Variants in RAPGEF5 observed in about 807,000 individuals in gnomAD.
RAPGEF5 encodes the protein M-Ras-regulated GEF.
In RAPGEF5, 65 loss-of-function variants were observed where a neutral mutation model predicts 125.2. That is an observed-to-expected ratio of 0.52 (90% CI 0.43 to 0.64). The LOEUF (loss-of-function observed/expected upper bound fraction) is 0.64, where lower values mean the gene tolerates loss of function less well. Ranked by LOEUF, RAPGEF5 falls within the 30% of genes least tolerant of loss-of-function variation. The pLI, the probability that RAPGEF5 is intolerant of heterozygous loss-of-function variation, is 0.00. For synonymous variants in RAPGEF5, 391 were observed against 385.9 expected (o/e 1.01, Z -0.16); for missense variants, 958 against 1,048.1 (o/e 0.91, Z 1.19).
chr7:22,340,892 G>T (rs939479679), intron 1 of RAPGEF5, among the ~76,000 whole-genome samples: 1 of 152,178 alleles, frequency 6.6e-6, no homozygotes, highest in African/African-American at 2.4e-5. Context: ...CTTTACTGGA[G>T]AAATGACCAG....
At chr7:22,356,754 T>A (rs1784428100) in intron 1 of RAPGEF5, 76 bp downstream of exon 1, 1 of 825,306 alleles carries the variant, frequency 1.2e-6, no homozygotes, top group Non-Finnish European at 1.5e-6. Flanking sequence ...GACGCCCCCC[T>A]CAGCGGCCCG....
chr7:22,193,846 G>C (rs1047041365), intron 10 of RAPGEF5, 69 bp downstream of exon 10: 1 of 1,611,634 alleles, frequency 6.2e-7, no homozygotes, highest in African/African-American at 1.3e-5. Context: ...GATGGAGCAA[G>C]GGAAGGGAAG....
At chr7:22,211,997 C>T (rs1256092432) in intron 9 of RAPGEF5, among the ~76,000 whole-genome samples, 22 of 142,684 alleles carry the variant, frequency 1.5e-4, no homozygotes, top group African/African-American at 4.7e-4. Flanking sequence ...GACCGAGTCT[C>T]GCACTGTTGC....
In RAPGEF5 at chr7:22,119,399, T is replaced by C. The variant is rs1415684193; in HGVS notation, c.*3007A>G. The C allele has an allele frequency of 6.6e-6, 1 of 152,204 alleles. No homozygotes were observed. Among genetic ancestry groups the C allele is most frequent in the Non-Finnish European group, 1.5e-5 (1 of 68,048 alleles). The allele number at this position is 152,204 out of a possible 1,614,324, so 9.4% of individuals were successfully genotyped here. On this transcript the variant is annotated 3_prime_UTR_variant, in exon 26 of 26. Coordinates refer to ENST00000665637, the MANE Select transcript of RAPGEF5 (RefSeq NM_012294.5). The surrounding 1 kb of genome is among the most constrained non-coding windows in gnomAD (Gnocchi z 4.1). Reference sequence around the variant, plus strand: ...CATAATTAAGGAAACTAGAAAAAAGTGAATGCAGGTCATGTGTATCACTAT... The same window carrying C: ...CATAATTAAGGAAACTAGAAAAAAGCGAATGCAGGTCATGTGTATCACTAT...
intron 6 of RAPGEF5, among the ~76,000 whole-genome samples, chr7:22,276,870 A>G (rs368445674): frequency 1.5e-4 from 23 of 152,354 alleles, no homozygotes; most frequent in African/African-American, 4.8e-4. Flanking sequence ...AGTGTTATCT[A>G]TTATCATCCT....
intron 17 of RAPGEF5, 59 bp from the exon 18 acceptor site, chr7:22,150,563 T>C (rs1783596109): frequency 1.3e-6 from 2 of 1,543,936 alleles, no homozygotes; most frequent in African/African-American, 1.4e-5. Flanking sequence ...GTAGCAGCAG[T>C]AGGCCTACAC....
chr7:22,178,266 T>C (rs1040060386), intron 11 of RAPGEF5, among the ~76,000 whole-genome samples: 3 of 152,216 alleles, frequency 2.0e-5, no homozygotes, highest in Admixed American at 2.0e-4. Context: ...CTTCCCTCCT[T>C]TCTAGATGAA....
At chr7:22,177,624 T>C (rs1441276009) in intron 11 of RAPGEF5, among the ~76,000 whole-genome samples, 1 of 152,230 alleles carries the variant, frequency 6.6e-6, no homozygotes, top group Non-Finnish European at 1.5e-5. Context: ...ATTCCACACC[T>C]GTTAACACTA....
intron 1 of RAPGEF5, among the ~76,000 whole-genome samples, chr7:22,337,624 G>A (rs1335735239): frequency 6.6e-6 from 1 of 152,140 alleles, no homozygotes; most frequent in Non-Finnish European, 1.5e-5. Flanking sequence ...CTTGGCCCAC[G>A]GCCCGGAATG....
chr7:22,161,576 ACACAC>A (rs1784000500), intron 13 of RAPGEF5, among the ~76,000 whole-genome samples: 2 of 148,910 alleles, frequency 1.3e-5, no homozygotes, highest in Non-Finnish European at 3.0e-5. Context: ...ACACACACAC[ACACAC>A]AATTCCACAT....
At position 22,318,011 on chromosome 7, in the gene RAPGEF5, C is replaced by G. The variant is rs1272803328; in HGVS notation, c.258G>C (p.Pro86=). Residue 86 remains proline (P), a synonymous_variant, in exon 2 of 26, where the codon CCG becomes CCC. Coordinates refer to ENST00000665637, the MANE Select transcript of RAPGEF5 (RefSeq NM_012294.5). ...GRTLSRRISN[P]YLEHTPSQIY... Reference sequence around the variant, plus strand: ...CCTGGGAAGGCGTATGTTCAAGGTACGGATTAGATATTCTTCTTGATAGAG... The same window carrying G: ...CCTGGGAAGGCGTATGTTCAAGGTAGGGATTAGATATTCTTCTTGATAGAG... 1 of 1,544,218 alleles carries G rather than the reference C, an allele frequency of 6.5e-7. No individual in the cohort carries two copies. The highest frequency in any genetic ancestry group is 8.7e-7 in the Non-Finnish European group (1 of 1,145,410).
At chr7:22,245,031 T>A (rs1786439890) in intron 7 of RAPGEF5, among the ~76,000 whole-genome samples, 3 of 152,248 alleles carry the variant, frequency 2.0e-5, no homozygotes, top group African/African-American at 4.8e-5. Context: ...TAGCAGGTGA[T>A]AGCTGACTGT....
At chr7:22,324,020 A>G (rs1783766197) in intron 1 of RAPGEF5, among the ~76,000 whole-genome samples, 1 of 152,218 alleles carries the variant, frequency 6.6e-6, no homozygotes, top group African/African-American at 2.4e-5. Flanking sequence ...GGATATTTGC[A>G]TAAGTATCAA....
chr7:22,273,463 C>T (rs1361830979), intron 6 of RAPGEF5, among the ~76,000 whole-genome samples: 1 of 152,028 alleles, frequency 6.6e-6, no homozygotes, highest in African/African-American at 2.4e-5. Context: ...TGTGATCCGC[C>T]CGCCTCGGCC....
chr7:22,173,404 C>T (rs536233292), intron 11 of RAPGEF5, among the ~76,000 whole-genome samples: 1 of 152,314 alleles, frequency 6.6e-6, no homozygotes, highest in South Asian at 2.1e-4. Context: ...CTCACCATAG[C>T]GTTTTCTTTA....
At chr7:22,136,338 A>G (rs572328941) in intron 22 of RAPGEF5, among the ~76,000 whole-genome samples, 15 of 152,310 alleles carry the variant, frequency 9.8e-5, no homozygotes, top group African/African-American at 3.4e-4. Flanking sequence ...TTGGTTTACA[A>G]TAAAGGGAAA....
At chr7:22,215,169 T>A (rs1052839228) in intron 9 of RAPGEF5, among the ~76,000 whole-genome samples, 1 of 152,298 alleles carries the variant, frequency 6.6e-6, no homozygotes, top group East Asian at 1.9e-4. Context: ...TCATTTCTCA[T>A]GAAATCTTCC....
At chr7:22,190,213 G>A (rs537188881) in intron 11 of RAPGEF5, among the ~76,000 whole-genome samples, 1 of 152,258 alleles carries the variant, frequency 6.6e-6, no homozygotes, top group Admixed American at 6.5e-5. Flanking sequence ...CCGAGAGTCA[G>A]AGGTTGCAGT....
intron 5 of RAPGEF5, among the ~76,000 whole-genome samples, chr7:22,293,041 T>A (rs1451751999): frequency 6.6e-6 from 1 of 152,214 alleles, no homozygotes; most frequent in Non-Finnish European, 1.5e-5. Flanking sequence ...GCACAAACCA[T>A]GCCTTAGCAA....
Sources: allele counts gnomAD v4.1 joint callset (sites outside exome capture counted in the v4.1 genomes callset), GRCh38; gene constraint gnomAD v4.1.1; non-coding constraint Gnocchi (gnomAD v3.1); transcripts MANE v1.5; gene names NCBI Gene and HGNC (gene_info 2026-07-23, HGNC 2026-07-21).